GALNTL6: variants seen among roughly 807,000 people sequenced by gnomAD.
GALNTL6 encodes polypeptide N-acetylgalactosaminyltransferase like 6.
Under a neutral mutation model 73.7 loss-of-function variants are expected in GALNTL6, and 46 were observed. The observed-to-expected ratio is 0.62, with a 90% CI of 0.49 to 0.80. The LOEUF is 0.80. Among genes scored for constraint, GALNTL6 ranks in the 30% least tolerant of loss-of-function variants. The probability of loss-of-function intolerance (pLI) is 0.00; values close to 1 mark genes in which losing one functional copy is unlikely to be tolerated. For synonymous variants in GALNTL6, 259 were observed against 263.7 expected, an observed-to-expected ratio of 0.98 and a Z score of 0.17; for missense variants, 604 against 755.0, an observed-to-expected ratio of 0.80 and a Z score of 2.34.
chr4:172,988,451 T>C (rs975968386), intron 10 of GALNTL6, among the ~76,000 whole-genome samples: 1 of 152,236 alleles, frequency 6.6e-6, no homozygotes. Context: ...TTATCTCAAA[T>C]TGAAACTTTT....
intron 5 of GALNTL6, among the ~76,000 whole-genome samples, chr4:172,760,026 C>T (rs1446894868): frequency 1.3e-5 from 2 of 150,592 alleles, no homozygotes; most frequent in Admixed American, 6.6e-5. Context: ...TTAGTAGAGA[C>T]GGGGTTTCAC....
chr4:171,980,564 T>C (rs1739865326), intron 2 of GALNTL6, among the ~76,000 whole-genome samples: 1 of 152,214 alleles, frequency 6.6e-6, no homozygotes, highest in Non-Finnish European at 1.5e-5. Flanking sequence ...TGTATATTTG[T>C]ATGTAAACTG....
intron 5 of GALNTL6, among the ~76,000 whole-genome samples, chr4:172,583,089 T>C (rs1449493176): frequency 6.6e-6 from 1 of 151,708 alleles, no homozygotes; most frequent in African/African-American, 2.4e-5. Context: ...GTAAAATTAA[T>C]TCTCCTATAA....
chr4:172,118,061 T>C (rs1733034461), intron 2 of GALNTL6, among the ~76,000 whole-genome samples: 1 of 152,156 alleles, frequency 6.6e-6, no homozygotes, highest in Non-Finnish European at 1.5e-5. Flanking sequence ...TGTGATATTT[T>C]ACCTTCAGGA....
chr4:172,851,654 C>T (rs1180589696), intron 7 of GALNTL6, among the ~76,000 whole-genome samples: 1 of 152,044 alleles, frequency 6.6e-6, no homozygotes, highest in African/African-American at 2.4e-5. Flanking sequence ...TGAGAATGCA[C>T]AGAAGATAAA....
chr4:172,565,127 T>C (rs931859080), intron 5 of GALNTL6, among the ~76,000 whole-genome samples: 3 of 152,206 alleles, frequency 2.0e-5, no homozygotes, highest in African/African-American at 7.2e-5. Flanking sequence ...CAACCTCTTT[T>C]ATAAGGCCAC....
At chr4:173,012,906 G>A (rs1479249424) in intron 11 of GALNTL6, among the ~76,000 whole-genome samples, 5 of 152,174 alleles carry the variant, frequency 3.3e-5, no homozygotes, top group African/African-American at 1.2e-4. Context: ...GGGAGGCTGA[G>A]GCGGGTGGCT....
At chr4:172,010,966 A>G (rs1740988746) in intron 2 of GALNTL6, among the ~76,000 whole-genome samples, 1 of 152,082 alleles carries the variant, frequency 6.6e-6, no homozygotes, top group African/African-American at 2.4e-5. Context: ...AAACAAAATT[A>G]TGAAAAATTT....
chr4:172,964,780 C>T (rs564859501), intron 10 of GALNTL6, among the ~76,000 whole-genome samples: 4 of 152,322 alleles, frequency 2.6e-5, no homozygotes, highest in African/African-American at 7.2e-5. Flanking sequence ...TCTGAGGATG[C>T]GATGTTGTCT....
intron 2 of GALNTL6, among the ~76,000 whole-genome samples, chr4:171,909,443 TCTTA>T (rs1292396655): frequency 6.6e-6 from 1 of 152,198 alleles, no homozygotes; most frequent in Admixed American, 6.5e-5. Flanking sequence ...TGAAAGATCA[TCTTA>T]CTTCTATTTT....
chr4:172,408,219 T>A (rs335979), intron 5 of GALNTL6, among the ~76,000 whole-genome samples: 137,225 of 151,954 alleles, frequency 0.9, 62,040 homozygotes, highest in African/African-American at 0.96. Flanking sequence ...TAAAGCAAAA[T>A]CTCTATATAC....
At chr4:171,975,510 G>A (rs767673418) in intron 2 of GALNTL6, among the ~76,000 whole-genome samples, 19 of 146,998 alleles carry the variant, frequency 1.3e-4, no homozygotes, top group Non-Finnish European at 2.5e-4. Context: ...GTGAATCCTT[G>A]TCTTGAAAAT....
chr4:172,971,980 G>C (rs1236488013), intron 10 of GALNTL6, among the ~76,000 whole-genome samples: 1 of 152,052 alleles, frequency 6.6e-6, no homozygotes, highest in Non-Finnish European at 1.5e-5. Flanking sequence ...AAAAATTAAA[G>C]AATATGCATA....
At chr4:171,929,971 C>T (rs1738125357) in intron 2 of GALNTL6, among the ~76,000 whole-genome samples, 1 of 152,194 alleles carries the variant, frequency 6.6e-6, no homozygotes, top group Admixed American at 6.5e-5. Flanking sequence ...GAGGTGTCAG[C>T]CCCACTGAAT....
intron 2 of GALNTL6, among the ~76,000 whole-genome samples, chr4:172,064,009 AT>A (rs1361035647): frequency 6.6e-6 from 1 of 152,070 alleles, no homozygotes; most frequent in African/African-American, 2.4e-5. Flanking sequence ...GGATTATTTC[AT>A]TTTCTTCATT....
At chr4:172,844,217 G>A (rs1246503031) in intron 7 of GALNTL6, among the ~76,000 whole-genome samples, 1 of 152,192 alleles carries the variant, frequency 6.6e-6, no homozygotes, top group African/African-American at 2.4e-5. Flanking sequence ...AGAAAGTAAC[G>A]TTTTCCACGG....
intron 5 of GALNTL6, among the ~76,000 whole-genome samples, chr4:172,648,736 A>AACTG (rs1427504012): frequency 6.6e-6 from 1 of 152,174 alleles, no homozygotes; most frequent in Non-Finnish European, 1.5e-5. Context: ...GTCTTCCTCC[A>AACTG]ACTGACGCCT....
intron 2 of GALNTL6, among the ~76,000 whole-genome samples, chr4:171,881,124 T>C (rs1736434827): frequency 6.6e-6 from 1 of 152,164 alleles, no homozygotes; most frequent in Admixed American, 6.5e-5. Context: ...GCCCCTAGCC[T>C]TGCAAGCCAA....
chr4:172,374,898 G>T (rs1401411469), intron 5 of GALNTL6, among the ~76,000 whole-genome samples: 1 of 152,154 alleles, frequency 6.6e-6, no homozygotes, highest in Non-Finnish European at 1.5e-5. Flanking sequence ...TACCTATCAG[G>T]ATCATCTGAA....
Sources: allele counts gnomAD v4.1 joint callset (sites outside exome capture counted in the v4.1 genomes callset), GRCh38; gene constraint gnomAD v4.1.1; transcripts MANE v1.5; gene names NCBI Gene and HGNC (gene_info 2026-07-23, HGNC 2026-07-21).